Variants in INTS4 observed in about 807,000 individuals in gnomAD.
INTS4 encodes the protein integrator complex subunit 4.
Under a neutral mutation model 119.5 loss-of-function variants are expected in INTS4, and 70 were observed. That is an observed-to-expected ratio of 0.59 (90% CI 0.48 to 0.71). The LOEUF is 0.71. Among genes scored for constraint, INTS4 ranks in the 30% least tolerant of loss-of-function variants. The pLI is 0.00. For synonymous variants in INTS4, 316 were observed against 419.6 expected, an observed-to-expected ratio of 0.75 and a Z score of 3.02; for missense variants, 867 against 1,173.2, an observed-to-expected ratio of 0.74 and a Z score of 3.81.
Position 77,891,424 on chromosome 11 carries a change from G to A in INTS4, c.2487C>T (p.Gly829=), listed in dbSNP as rs1372781258. 4.3e-6 allele frequency: 7 copies of A among 1,613,478 alleles called. No homozygotes were observed. Among genetic ancestry groups the A allele is most frequent in the African/African-American group, 4.0e-5 (3 of 74,896 alleles). ...TAAACCGCAAAGGGTTGTCTGACTC[G>A]CCCGCTGGCTCGATGATGGTGGCTG... ...KASATIIEPA[G]ESDNPLRFTS... Residue 829 remains glycine, a synonymous_variant, in exon 21 of 23, where the codon GGC becomes GGT. Transcript: ENST00000534064.
intron 16 of INTS4, among the ~76,000 whole-genome samples, chr11:77,904,204 A>G (rs914220408): frequency 2.0e-5 from 3 of 152,254 alleles, no homozygotes; most frequent in Admixed American, 6.5e-5. Flanking sequence ...CCCTTGCACA[A>G]ACTTCTGTGA....
intron 11 of INTS4, among the ~76,000 whole-genome samples, chr11:77,925,681 C>G (rs2136489263): frequency 6.6e-6 from 1 of 152,320 alleles, no homozygotes; most frequent in African/African-American, 2.4e-5. Context: ...AGAATAAAAT[C>G]CAGACATCTT....
intron 4 of INTS4, among the ~76,000 whole-genome samples, chr11:77,961,759 T>C (rs983181929): frequency 2.0e-5 from 3 of 152,224 alleles, no homozygotes; most frequent in Admixed American, 2.0e-4. Context: ...GCTTATTATG[T>C]TTGTAAGATT....
intron 10 of INTS4, among the ~76,000 whole-genome samples, chr11:77,929,416 G>A (rs540648079): frequency 5.3e-5 from 8 of 152,154 alleles, no homozygotes; most frequent in African/African-American, 1.9e-4. Context: ...TATATGTGAT[G>A]AAGTCACATG....
intron 4 of INTS4, chr11:77,963,383 A>AAAC: frequency 2.5e-6 from 1 of 395,240 alleles, no homozygotes; most frequent in South Asian, 1.9e-5. Flanking sequence ...AACAAAAAAA[A>AAAC]CTGCTTTTCT....
In INTS4 at chr11:77,906,056, T is replaced by C. The variant is rs11237319; in HGVS notation, c.2016+1661A>G. ...TAAATTTTTTAAATTATTTCTTCCA[T>C]AATTATATTTTGGGGATTTTGATAT... On this transcript the variant is annotated intron_variant, in intron 16 of 22. Coordinates refer to ENST00000534064, the MANE Select transcript of INTS4 (RefSeq NM_033547.4). 1.8e-3 allele frequency among the ~76,000 whole-genome samples: 271 copies of C among 152,324 alleles called. 1 individual carries two copies. The highest frequency in any genetic ancestry group is 6.4e-3 in the African/African-American group (266 of 41,578).
At chr11:77,892,982 T>TATC (rs1484129999) in intron 19 of INTS4, among the ~76,000 whole-genome samples, 1 of 152,200 alleles carries the variant, frequency 6.6e-6, no homozygotes, top group Non-Finnish European at 1.5e-5. Flanking sequence ...TGTAAGAAGC[T>TATC]ATCATCACCC....
chr11:77,962,538 G>T (rs928496105), intron 4 of INTS4, among the ~76,000 whole-genome samples: 2 of 152,146 alleles, frequency 1.3e-5, no homozygotes, highest in Non-Finnish European at 2.9e-5. Context: ...TTGAAGAAAT[G>T]AGGTAATAAA....
chr11:77,883,797 A>G (rs772122750), intron 22 of INTS4, 35 bp downstream of exon 22: 24 of 1,608,112 alleles, frequency 1.5e-5, no homozygotes, highest in East Asian at 2.2e-5. Flanking sequence ...CTCCAGCAGC[A>G]TATTTCCCTT....
intron 8 of INTS4, among the ~76,000 whole-genome samples, chr11:77,947,897 A>T (rs1322738043): frequency 6.6e-6 from 1 of 152,160 alleles, no homozygotes; most frequent in African/African-American, 2.4e-5. Flanking sequence ...ATGCTAGAGC[A>T]TAGTGGCCTG....
chr11:77,881,167 G>C (rs1301611676), intron 22 of INTS4, among the ~76,000 whole-genome samples: 2 of 152,176 alleles, frequency 1.3e-5, no homozygotes, highest in African/African-American at 4.8e-5. Context: ...TCTGCGTCAT[G>C]CCTGGAAGAA....
At chr11:77,946,760 C>CA (rs61192670) in intron 8 of INTS4, among the ~76,000 whole-genome samples, 23,242 of 101,250 alleles carry the variant, frequency 0.23, 2,329 homozygotes, top group African/African-American at 0.35. Context: ...GACCCTGTCT[C>CA]AAAAAAAAAA....
intron 21 of INTS4, 64 bp from the exon 22 acceptor site, chr11:77,884,016 G>A (rs534788816): frequency 6.5e-7 from 1 of 1,537,388 alleles, no homozygotes; most frequent in Non-Finnish European, 8.9e-7. Context: ...AATGGATGAT[G>A]ACATCTGTTG....
chr11:77,943,011 AAAC>A (rs1002278152), intron 8 of INTS4, among the ~76,000 whole-genome samples: 5 of 152,302 alleles, frequency 3.3e-5, no homozygotes, highest in African/African-American at 1.2e-4. Flanking sequence ...ATTTAAATCC[AAAC>A]AACAATTTTA....
At chr11:77,956,478 A>G (rs1954324114) in intron 7 of INTS4, among the ~76,000 whole-genome samples, 1 of 152,094 alleles carries the variant, frequency 6.6e-6, no homozygotes, top group African/African-American at 2.4e-5. Flanking sequence ...AGGCTGAGGC[A>G]GGTGGATAAC....
chr11:77,981,190 C>CAAAAAAAAAAAA (rs35194381), intron 3 of INTS4, among the ~76,000 whole-genome samples: 1 of 88,862 alleles, frequency 1.1e-5, no homozygotes. Flanking sequence ...AACAAACAAG[C>CAAAAAAAAAAAA]AAAAAAAAAA....
chr11:77,887,204 C>T (rs955580039), intron 21 of INTS4, among the ~76,000 whole-genome samples: 3 of 152,200 alleles, frequency 2.0e-5, no homozygotes, highest in African/African-American at 7.2e-5. Context: ...TCCAGCAGCA[C>T]ATCAGAAAGC....
intron 15 of INTS4, among the ~76,000 whole-genome samples, chr11:77,914,607 A>T (rs1337641020): frequency 2.0e-5 from 3 of 152,174 alleles, no homozygotes; most frequent in Non-Finnish European, 4.4e-5. Flanking sequence ...TAAAAGGTCA[A>T]ATAGTAAATA....
intron 18 of INTS4, among the ~76,000 whole-genome samples, chr11:77,897,752 G>C (rs1331099582): frequency 2.0e-5 from 3 of 151,756 alleles, no homozygotes; most frequent in African/African-American, 7.3e-5. Flanking sequence ...TGATCCACCC[G>C]ATTCGGCCTC....
Sources: gnomAD v4.1 joint callset for allele counts (sites outside exome capture counted in the v4.1 genomes callset) on GRCh38, gnomAD v4.1.1 for gene constraint, MANE v1.5 for transcripts, NCBI Gene and HGNC (gene_info 2026-07-23, HGNC 2026-07-21) for gene names.